Variants in TRPC5 observed in about 807,000 individuals in gnomAD.
TRPC5 encodes the protein short transient receptor potential channel 5.
Under a neutral mutation model 56.5 loss-of-function variants are expected in TRPC5, and 9 were observed. The ratio of observed to expected loss-of-function variants is 0.16; its 90% CI spans 0.10 to 0.28. The LOEUF is 0.28. Among genes scored for constraint, TRPC5 ranks in the 10% least tolerant of loss-of-function variants. The pLI is 1.00. For missense variants in TRPC5, 469 were observed against 748.9 expected, an observed-to-expected ratio of 0.63 and a Z score of 4.36; for synonymous variants, 282 against 278.5, an observed-to-expected ratio of 1.01 and a Z score of -0.13.
chrX:111,960,313 C>T (rs1043766091), intron 1 of TRPC5, among the ~76,000 whole-genome samples: 12 of 112,222 alleles, frequency 1.1e-4, no homozygotes, highest in Non-Finnish European at 3.8e-5. Flanking sequence ...GCTATAAACA[C>T]GTGTGATTTT....
chrX:111,914,973 G>A (rs1356195628), intron 2 of TRPC5, among the ~76,000 whole-genome samples: 1 of 111,251 alleles, frequency 9.0e-6, no homozygotes, highest in Non-Finnish European at 1.9e-5. Context: ...GAAGGGAAGA[G>A]AGGCTAACCT....
In TRPC5 at chrX:111,958,758, C is replaced by A. The variant is rs1057232685; in HGVS notation, c.-21-6317G>T. Among the ~76,000 whole-genome samples, 4 of 111,764 alleles carry A rather than the reference C, an allele frequency of 3.6e-5. No homozygotes were observed. The Admixed American group carries it at 3.8e-4, about 11-fold the overall frequency. On this transcript the variant is annotated intron_variant, in intron 1 of 10. Transcript: ENST00000262839. ...AAACTGAAAGAAATTCCCACTGATA[C>A]ACACTACAATCAAACTGTCAAAAGC... is the stretch of plus-strand genomic sequence containing the variant.
At chrX:112,044,941 A>G (rs1445062996) in intron 1 of TRPC5, among the ~76,000 whole-genome samples, 2 of 112,242 alleles carry the variant, frequency 1.8e-5, no homozygotes, top group Non-Finnish European at 3.8e-5. Context: ...ATCTGTGCCA[A>G]TCTCTCACAG....
chrX:111,861,495 C>T (rs1923404332), intron 3 of TRPC5, among the ~76,000 whole-genome samples: 1 of 111,533 alleles, frequency 9.0e-6, no homozygotes, highest in Admixed American at 9.5e-5. Flanking sequence ...TTAAGAAAAA[C>T]AATTTTTAGT....
chrX:111,778,826 G>A (rs1019433203), intron 10 of TRPC5, among the ~76,000 whole-genome samples, 159 bp downstream of exon 10: 6 of 111,820 alleles, frequency 5.4e-5, no homozygotes, highest in Admixed American at 9.5e-5. Context: ...AAATCTCTCC[G>A]TCTACTGGAT....
At chrX:111,876,316 G>A (rs1321784394) in intron 3 of TRPC5, 2 of 111,449 alleles carry the variant, frequency 1.8e-5, no homozygotes, top group Non-Finnish European at 3.8e-5. Context: ...AAGTCTATGA[G>A]AGAAGACAGA....
intron 1 of TRPC5, among the ~76,000 whole-genome samples, chrX:112,052,694 C>T (rs376446273): frequency 1.8e-5 from 2 of 111,606 alleles, no homozygotes; most frequent in African/African-American, 6.5e-5. Context: ...TCCAAGAAAC[C>T]ATTTTCAAAT....
In TRPC5 at chrX:112,082,657, A is replaced by T. The variant is rs1931002602; in HGVS notation, c.-800T>A. On this transcript the variant is annotated 5_prime_UTR_variant, in exon 1 of 11. The change creates a new upstream start codon in the 5' untranslated region. Coordinates refer to ENST00000262839, the MANE Select transcript of TRPC5 (RefSeq NM_012471.3). ...CCACCCCTGTCTCCAAAAATGTCCA[A>T]CCCTGAGCTCTTCCTTTTCCCTTCT... The T allele has an allele frequency of 9.1e-6, 1 of 109,344 alleles. No individual in the cohort carries two copies. The highest frequency in any genetic ancestry group is 1.9e-5 in the Non-Finnish European group (1 of 52,491). The allele number at this position is 109,344 out of a possible 1,213,427, so 9.0% of individuals were successfully genotyped here.
chrX:111,788,995 T>C (rs1022137442), intron 7 of TRPC5, among the ~76,000 whole-genome samples: 1 of 111,926 alleles, frequency 8.9e-6, no homozygotes, highest in South Asian at 3.7e-4. Context: ...CTGCCCAAAG[T>C]AATTTATAGA....
chrX:112,009,864 G>A (rs778573283), intron 1 of TRPC5, among the ~76,000 whole-genome samples: 8 of 111,299 alleles, frequency 7.2e-5, no homozygotes, highest in Non-Finnish European at 1.1e-4. Context: ...GTGGAGCAGG[G>A]AGGGATAGCA....
intron 3 of TRPC5, among the ~76,000 whole-genome samples, chrX:111,898,251 T>TTA (rs58112324): frequency 0.065 from 5,998 of 92,191 alleles, 218 homozygotes; most frequent in Non-Finnish European, 0.097. Context: ...GTAGGGGTTC[T>TTA]TATATATATA....
At chrX:111,972,052 T>G (rs1927800023) in intron 1 of TRPC5, among the ~76,000 whole-genome samples, 1 of 111,542 alleles carries the variant, frequency 9.0e-6, no homozygotes, top group Admixed American at 9.6e-5. Context: ...GATTAAATAC[T>G]GATATGAAAT....
At chrX:111,904,561 C>T (rs1042744837) in intron 3 of TRPC5, among the ~76,000 whole-genome samples, 23 of 110,513 alleles carry the variant, frequency 2.1e-4, no homozygotes, top group Non-Finnish European at 4.0e-4. Context: ...CATGTTCCCT[C>T]GTATAAGTGG....
At chrX:111,842,357 C>T (rs902458712) in intron 6 of TRPC5, among the ~76,000 whole-genome samples, 7 of 108,623 alleles carry the variant, frequency 6.4e-5, no homozygotes, top group East Asian at 2.9e-4. Context: ...AGGCTGGCCT[C>T]GAACTCCTGA....
intron 7 of TRPC5, among the ~76,000 whole-genome samples, chrX:111,822,021 A>G (rs901679262): frequency 6.3e-5 from 7 of 111,941 alleles, no homozygotes; most frequent in Non-Finnish European, 1.3e-4. Context: ...ACTTTTGGAA[A>G]TAAAAACACA....
chrX:111,964,075 A>G (rs930597230), intron 1 of TRPC5, among the ~76,000 whole-genome samples: 4 of 111,510 alleles, frequency 3.6e-5, no homozygotes. Context: ...AAGAACTTTG[A>G]AAAAAAATTA....
chrX:111,787,276 G>A (rs1039835112), intron 7 of TRPC5, among the ~76,000 whole-genome samples: 6 of 111,559 alleles, frequency 5.4e-5, no homozygotes, highest in African/African-American at 2.0e-4. Flanking sequence ...ACAACTACAT[G>A]GAAACTGAAC....
At chrX:111,782,778 A>G (rs1171550548) in intron 7 of TRPC5, among the ~76,000 whole-genome samples, 1 of 103,842 alleles carries the variant, frequency 9.6e-6, no homozygotes, top group Non-Finnish European at 2.0e-5. Context: ...TGACAGGTAT[A>G]TATACCCATG....
rs1433628637 is a variant in TRPC5, at chrX:112,078,218, A to AGTGT, written c.-22+3657_-22+3660dup. Among the ~76,000 whole-genome samples, 444 of 110,978 alleles carry AGTGT rather than the reference A, an allele frequency of 4.0e-3. 4 individuals carry two copies. Among genetic ancestry groups the AGTGT allele is most frequent in the African/African-American group, 0.013 (409 of 30,567 alleles). ...CTAGCAAGATAGGATTGTGTGTGTG[A>AGTGT]GTGTGTGTGTGTTAGGGGGAGGTGG... On this transcript the variant is annotated intron_variant, in intron 1 of 10. Transcript: ENST00000262839.
Sources: gnomAD v4.1 joint callset for allele counts (sites outside exome capture counted in the v4.1 genomes callset) on GRCh38, gnomAD v4.1.1 for gene constraint, MANE v1.5 for transcripts, NCBI Gene and HGNC (gene_info 2026-07-23, HGNC 2026-07-21) for gene names.